ANK3: variants seen among roughly 807,000 people sequenced by gnomAD.
ANK3 encodes the protein ankyrin 3.
A neutral mutation model predicts 370.9 loss-of-function variants in ANK3; 57 were observed. That is an observed-to-expected ratio of 0.15 (90% confidence interval 0.12 to 0.19). The LOEUF (loss-of-function observed/expected upper bound fraction) is 0.19, where lower values mean the gene tolerates loss of function less well. Ranked by LOEUF, ANK3 falls within the 10% of genes least tolerant of loss-of-function variation. The pLI is 1.00. For missense variants in ANK3, 4,439 were observed against 5,302.1 expected (o/e 0.84, Z 5.06); for synonymous variants, 1,929 against 1,946.3 (o/e 0.99, Z 0.23).
chr10:60,693,258 C>G (rs551981634), intron 1 of ANK3, among the ~76,000 whole-genome samples: 1 of 152,364 alleles, frequency 6.6e-6, no homozygotes, highest in African/African-American at 2.4e-5. Context: ...GGTCCTAAGC[C>G]CACGGAGTCT....
intron 1 of ANK3, among the ~76,000 whole-genome samples, chr10:60,352,719 T>C (rs1005755780): frequency 2.0e-5 from 3 of 152,174 alleles, no homozygotes; most frequent in Non-Finnish European, 4.4e-5. Flanking sequence ...GAACAGAGGG[T>C]AAAGTTCTTA....
Position 60,317,564 on chromosome 10 carries a change from A to G in ANK3, c.115-37925T>C, listed in dbSNP as rs180714946. On this transcript the variant is annotated intron_variant, in intron 1 of 43. Coordinates refer to ENST00000280772, the MANE Select transcript of ANK3 (RefSeq NM_020987.5). The stretch of plus-strand genomic sequence containing the variant: ...ATCTATTTTTAAAAAATCACTAAAT[A>G]TATGAAATTTGACTTAATGCCCATA... Among the ~76,000 whole-genome samples the G allele has an allele frequency of 4.6e-5, 7 of 152,276 alleles. No homozygotes were observed. The East Asian group carries it at 1.4e-3, about 29-fold the overall frequency.
chr10:60,581,753 T>A (rs916678225), intron 2 of ANK3, among the ~76,000 whole-genome samples: 3 of 152,228 alleles, frequency 2.0e-5, no homozygotes, highest in African/African-American at 7.2e-5. Context: ...GCCCATTTTT[T>A]AATCAGGTTA....
intron 2 of ANK3, among the ~76,000 whole-genome samples, chr10:60,464,843 T>C (rs1045128799): frequency 2.0e-5 from 3 of 152,164 alleles, no homozygotes; most frequent in African/African-American, 7.2e-5. Context: ...AAAATGCTCA[T>C]AAAAACATTT....
intron 2 of ANK3, among the ~76,000 whole-genome samples, chr10:60,605,682 G>A (rs2078119818): frequency 6.6e-6 from 1 of 152,046 alleles, no homozygotes; most frequent in African/African-American, 2.4e-5. Context: ...TCAAATAATG[G>A]GATGATGGAA....
At chr10:60,349,267 C>A (rs926257546) in intron 1 of ANK3, among the ~76,000 whole-genome samples, 10 of 152,150 alleles carry the variant, frequency 6.6e-5, no homozygotes, top group African/African-American at 2.4e-4. Flanking sequence ...AGAAAAAGAT[C>A]TTTTTCTGCA....
chr10:60,572,494 G>T (rs2077624453), intron 2 of ANK3: 1 of 1,535,698 alleles, frequency 6.5e-7, no homozygotes, highest in Non-Finnish European at 8.7e-7. Flanking sequence ...CTATGAGCAG[G>T]TTTTGCATTT....
chr10:60,608,837 G>C lies in ANK3; in HGVS notation c.96+6349C>G, dbSNP rs74747988. Among the ~76,000 whole-genome samples the C allele has an allele frequency of 5.4e-3, 821 of 152,288 alleles. 8 individuals are homozygous for C. Among genetic ancestry groups the C allele is most frequent in the African/African-American group, 0.019 (790 of 41,566 alleles). On this transcript the variant is annotated intron_variant, in intron 2 of 43. Transcript: ENST00000373827. ...TTAGAATATCTTAAATGTGGAGTAT[G>C]TGACATGTGAGTCAGGGAGATGGGC... is the stretch of plus-strand genomic sequence containing the variant.
intron 2 of ANK3, among the ~76,000 whole-genome samples, chr10:60,537,616 T>C (rs79310023): frequency 6.6e-6 from 1 of 151,922 alleles, no homozygotes; most frequent in Non-Finnish European, 1.5e-5. Context: ...CTTTTGAAAT[T>C]TATGGAAGAA....
intron 1 of ANK3, among the ~76,000 whole-genome samples, chr10:60,710,872 T>C (rs2079694999): frequency 1.3e-5 from 2 of 152,328 alleles, no homozygotes; most frequent in South Asian, 4.1e-4. Flanking sequence ...GGAAGGTTGA[T>C]GTTCTGGCTC....
chr10:60,214,731 T>C (rs1396586426), intron 8 of ANK3, among the ~76,000 whole-genome samples: 5 of 152,204 alleles, frequency 3.3e-5, no homozygotes, highest in Admixed American at 3.3e-4. Flanking sequence ...ATGATGTAAA[T>C]GTACCACATT....
rs34256603 is a variant in ANK3, at chr10:60,086,991, C to CAAA, written c.3541-110_3541-108dup. The CAAA allele has an allele frequency of 4.6e-3, 662 of 144,616 alleles. 7 individuals are homozygous for CAAA. Among genetic ancestry groups the CAAA allele is most frequent in the African/African-American group, 0.017 (425 of 24,326 alleles). The allele number at this position is 144,616 out of a possible 1,614,324, so 9.0% of individuals were successfully genotyped here. On this transcript the variant is annotated intron_variant, in intron 29 of 43. Transcript: ENST00000280772. ...AAGGAAAAAAACAAAAACAGACAAC[C>CAAA]AAAAAAAAAAAAAAAAAACCCAGGT... is the stretch of plus-strand genomic sequence containing the variant.
At chr10:60,630,201 G>C (rs1354134105) in intron 1 of ANK3, among the ~76,000 whole-genome samples, 1 of 151,906 alleles carries the variant, frequency 6.6e-6, no homozygotes, top group Non-Finnish European at 1.5e-5. Flanking sequence ...TTACCAATTT[G>C]CTGCAAAATG....
intron 7 of ANK3, among the ~76,000 whole-genome samples, chr10:60,242,322 C>T (rs2097477100): frequency 6.6e-6 from 1 of 152,154 alleles, no homozygotes; most frequent in South Asian, 2.1e-4. Context: ...CACCGCTCTA[C>T]AGTAATATAT....
chr10:60,643,525 T>TATCTATCC (rs1192479191), intron 1 of ANK3, among the ~76,000 whole-genome samples: 1 of 151,910 alleles, frequency 6.6e-6, no homozygotes, highest in East Asian at 1.9e-4. Flanking sequence ...TCTATCTATC[T>TATCTATCC]ATCTATCTAT....
chr10:60,233,644 C>G (rs2097283967), intron 8 of ANK3, among the ~76,000 whole-genome samples: 1 of 152,120 alleles, frequency 6.6e-6, no homozygotes, highest in Non-Finnish European at 1.5e-5. Flanking sequence ...GCTGTGCTGC[C>G]CAGGCTGGTC....
chr10:60,491,506 C>T (rs937140592), intron 2 of ANK3, among the ~76,000 whole-genome samples: 3 of 152,192 alleles, frequency 2.0e-5, no homozygotes, highest in African/African-American at 7.2e-5. Context: ...ACCAATCATT[C>T]TTTCTATTCC....
chr10:60,088,312 A>G lies in ANK3; in HGVS notation c.3375T>C (p.Ile1125=). 4.3e-6 allele frequency: 7 copies of G among 1,614,232 alleles called. No individual in the cohort carries two copies. Among genetic ancestry groups the G allele is most frequent in the Non-Finnish European group, 5.9e-6 (7 of 1,180,022 alleles). The part of the protein sequence containing the change: ...EELGKKRICR[I]ITKDFPQYFA... ...AATACTGGGGGAAATCTTTCGTGAT[A>G]ATCCTGCAGATACGCTTTTTCCCTA... Residue 1125 remains isoleucine (I), a synonymous_variant, in exon 29 of 44, where the codon ATT becomes ATC. Coordinates refer to ENST00000280772, the MANE Select transcript of ANK3 (RefSeq NM_020987.5).
chr10:60,716,785 G>A (rs1233042041), intron 1 of ANK3, among the ~76,000 whole-genome samples: 1 of 152,102 alleles, frequency 6.6e-6, no homozygotes, highest in Non-Finnish European at 1.5e-5. Flanking sequence ...CAAAGTGGTG[G>A]GATTACAGGC....
Sources: gnomAD v4.1 joint callset for allele counts (sites outside exome capture counted in the v4.1 genomes callset) on GRCh38, gnomAD v4.1.1 for gene constraint, MANE v1.5 for transcripts, NCBI Gene and HGNC (gene_info 2026-07-23, HGNC 2026-07-21) for gene names.